DNAJC1: variants seen among roughly 807,000 people sequenced by gnomAD.
The protein encoded by DNAJC1 is dnaJ homolog subfamily C member 1.
A neutral mutation model predicts 76.6 loss-of-function variants in DNAJC1; 58 were observed. The ratio of observed to expected loss-of-function variants is 0.76; its 90% confidence interval spans 0.61 to 0.94. The LOEUF (loss-of-function observed/expected upper bound fraction) is 0.94, where lower values mean the gene tolerates loss of function less well. Ranked by LOEUF, DNAJC1 falls within the 40% of genes least tolerant of loss-of-function variation. The probability of loss-of-function intolerance (pLI) is 0.00; values close to 1 mark genes in which losing one functional copy is unlikely to be tolerated. For missense variants in DNAJC1, 689 were observed against 677.3 expected, an observed-to-expected ratio of 1.02 and a Z score of -0.19; for synonymous variants, 258 against 267.9, an observed-to-expected ratio of 0.96 and a Z score of 0.36.
At chr10:21,995,725 C>T (rs1439787796) in intron 1 of DNAJC1, among the ~76,000 whole-genome samples, 1 of 152,156 alleles carries the variant, frequency 6.6e-6, no homozygotes, top group South Asian at 2.1e-4. Flanking sequence ...ACGTGGCATG[C>T]CCTTGCTTTT....
intron 1 of DNAJC1, among the ~76,000 whole-genome samples, chr10:21,940,714 A>G (rs566980472): frequency 6.6e-6 from 1 of 152,276 alleles, no homozygotes; most frequent in East Asian, 1.9e-4. Flanking sequence ...AAATATAGAT[A>G]AACAAAAGAC....
chr10:21,997,733 T>A (rs2131852913), intron 1 of DNAJC1, among the ~76,000 whole-genome samples: 1 of 152,330 alleles, frequency 6.6e-6, no homozygotes, highest in East Asian at 1.9e-4. Flanking sequence ...GCTTAAAAGG[T>A]TTATTAATTC....
chr10:21,950,449 T>C (rs1190203464), intron 1 of DNAJC1, among the ~76,000 whole-genome samples: 1 of 152,120 alleles, frequency 6.6e-6, no homozygotes, highest in Non-Finnish European at 1.5e-5. Flanking sequence ...CATCTCTCTC[T>C]TTCTCTTTGG....
At chr10:21,903,382 T>C (rs1324710968) in intron 7 of DNAJC1, among the ~76,000 whole-genome samples, 1 of 152,218 alleles carries the variant, frequency 6.6e-6, no homozygotes, top group South Asian at 2.1e-4. Flanking sequence ...ATGTCAACCT[T>C]GGCATGTAAT....
intron 8 of DNAJC1, among the ~76,000 whole-genome samples, chr10:21,877,894 A>G (rs1836212433): frequency 1.3e-5 from 2 of 152,232 alleles, no homozygotes; most frequent in Admixed American, 1.3e-4. Context: ...AATGCAGACA[A>G]TAAGTTAACA....
At chr10:21,788,320 G>A (rs1834637802) in intron 9 of DNAJC1, among the ~76,000 whole-genome samples, 1 of 152,202 alleles carries the variant, frequency 6.6e-6, no homozygotes, top group South Asian at 2.1e-4. Context: ...CACCCCTTTA[G>A]GCCAGAGCTA....
At chr10:21,822,667 T>A (rs1219816458) in intron 8 of DNAJC1, among the ~76,000 whole-genome samples, 1 of 152,056 alleles carries the variant, frequency 6.6e-6, no homozygotes, top group Non-Finnish European at 1.5e-5. Flanking sequence ...ATACAAGTGT[T>A]AAATTGTCAC....
At chr10:21,822,972 G>T (rs181253994) in intron 8 of DNAJC1, among the ~76,000 whole-genome samples, 129 of 151,624 alleles carry the variant, frequency 8.5e-4, no homozygotes, top group Middle Eastern at 3.4e-3. Context: ...AAACTACCAC[G>T]GTCGGTAGTT....
intron 7 of DNAJC1, among the ~76,000 whole-genome samples, chr10:21,896,167 G>A (rs750822439): frequency 7.2e-5 from 11 of 152,236 alleles, no homozygotes; most frequent in Admixed American, 2.0e-4. Context: ...AATAGAAGTG[G>A]GGCCACCACT....
chr10:21,915,107 T>C (rs1836930893), intron 6 of DNAJC1, among the ~76,000 whole-genome samples: 1 of 152,236 alleles, frequency 6.6e-6, no homozygotes, highest in Non-Finnish European at 1.5e-5. Context: ...GGCTGAACTG[T>C]CTTTCTAAAC....
At chr10:21,841,910 T>C (rs1398339702) in intron 8 of DNAJC1, among the ~76,000 whole-genome samples, 3 of 151,964 alleles carry the variant, frequency 2.0e-5, no homozygotes, top group Admixed American at 6.6e-5. Context: ...TGGAATACTA[T>C]GCAGCCATAA....
At chr10:21,770,651 G>A (rs1049386087) in intron 9 of DNAJC1, among the ~76,000 whole-genome samples, 3 of 151,996 alleles carry the variant, frequency 2.0e-5, no homozygotes, top group Non-Finnish European at 4.4e-5. Context: ...CGCCCGCCTC[G>A]GCCTCCCAAA....
At chr10:21,775,216 A>G (rs563071889) in intron 9 of DNAJC1, among the ~76,000 whole-genome samples, 1 of 152,274 alleles carries the variant, frequency 6.6e-6, no homozygotes, top group South Asian at 2.1e-4. Flanking sequence ...ATAGCAGCAA[A>G]GCACAGTCGA....
chr10:21,837,565 C>T (rs1035145672), intron 8 of DNAJC1, among the ~76,000 whole-genome samples: 1 of 151,764 alleles, frequency 6.6e-6, no homozygotes, highest in Non-Finnish European at 1.5e-5. Context: ...TGGCCGCGAC[C>T]CCATATGGGA....
intron 9 of DNAJC1, among the ~76,000 whole-genome samples, chr10:21,789,345 T>A (rs576308687): frequency 1.3e-5 from 2 of 152,274 alleles, no homozygotes; most frequent in African/African-American, 4.8e-5. Flanking sequence ...ACTTCCCAAC[T>A]GGCACTGTAA....
At chr10:21,928,699 T>A (rs1837169083) in intron 2 of DNAJC1, 147 bp from the exon 3 acceptor site, 1 of 630,192 alleles carries the variant, frequency 1.6e-6, no homozygotes, top group Non-Finnish European at 2.8e-6. Flanking sequence ...TAAGTAACAC[T>A]ATGTTTTGGT....
chr10:21,821,181 C>T (rs1271372786), intron 8 of DNAJC1, among the ~76,000 whole-genome samples: 1 of 152,110 alleles, frequency 6.6e-6, no homozygotes, highest in African/African-American at 2.4e-5. Context: ...CACTATCAGA[C>T]TGAGTCCTGC....
At chr10:21,941,124 C>T (rs1306496808) in intron 1 of DNAJC1, among the ~76,000 whole-genome samples, 3 of 148,846 alleles carry the variant, frequency 2.0e-5, no homozygotes, top group African/African-American at 7.4e-5. Flanking sequence ...AAAAAATTAG[C>T]CAGGCGTGGT....
At chr10:21,936,529 T>C (rs1355154399) in intron 1 of DNAJC1, among the ~76,000 whole-genome samples, 1 of 152,204 alleles carries the variant, frequency 6.6e-6, no homozygotes, top group African/African-American at 2.4e-5. Context: ...GCAGACATTA[T>C]ATACATAAAA....
Sources: gnomAD v4.1 joint callset for allele counts (sites outside exome capture counted in the v4.1 genomes callset) on GRCh38, gnomAD v4.1.1 for gene constraint, MANE v1.5 for transcripts, NCBI Gene and HGNC (gene_info 2026-07-23, HGNC 2026-07-21) for gene names.